Variants in HEMK2 observed in about 807,000 individuals in gnomAD.
The protein encoded by HEMK2 is methyltransferase HEMK2.
chr21:28,775,633 T>C, the HEMK2 span, among the ~76,000 whole-genome samples: 1 of 152,152 alleles, frequency 6.6e-6, no homozygotes, highest in African/African-American at 2.4e-5. Context: ...TAATGCTTTT[T>C]TTCCCCCAAC....
the HEMK2 span, among the ~76,000 whole-genome samples, chr21:28,798,417 T>C: frequency 1.3e-5 from 2 of 152,190 alleles, no homozygotes; most frequent in African/African-American, 2.4e-5. Context: ...ACCCACCCCA[T>C]AGAGTTTCTG....
the HEMK2 span, among the ~76,000 whole-genome samples, chr21:28,829,782 C>T: frequency 6.6e-6 from 1 of 152,188 alleles, no homozygotes; most frequent in Non-Finnish European, 1.5e-5. Flanking sequence ...AGAACATACA[C>T]TCTGTTTCTA....
chr21:28,707,363 C>T, the HEMK2 span, among the ~76,000 whole-genome samples: 3 of 151,548 alleles, frequency 2.0e-5, no homozygotes, highest in Non-Finnish European at 4.4e-5. Flanking sequence ...TCAAGTGATC[C>T]TCCCACCTCA....
chr21:28,880,101 T>C, the HEMK2 span: 3 of 464,772 alleles, frequency 6.5e-6, no homozygotes. Context: ...TATTTTTATG[T>C]TTTCATTCAG....
the HEMK2 span, among the ~76,000 whole-genome samples, chr21:28,630,926 T>A: frequency 6.6e-6 from 1 of 152,120 alleles, no homozygotes; most frequent in African/African-American, 2.4e-5. Flanking sequence ...ACTTAAAGTA[T>A]AATAATAATA....
At chr21:28,720,892 T>C in the HEMK2 span, among the ~76,000 whole-genome samples, 2 of 152,142 alleles carry the variant, frequency 1.3e-5, no homozygotes, top group Non-Finnish European at 2.9e-5. Context: ...CCAACCCTAT[T>C]GCTATGTATA....
the HEMK2 span, among the ~76,000 whole-genome samples, chr21:28,854,804 G>T: frequency 5.3e-5 from 8 of 152,190 alleles, no homozygotes; most frequent in Non-Finnish European, 1.0e-4. Context: ...GGTTGGGCCT[G>T]CCTTTCTCAG....
At chr21:28,828,201 T>C in the HEMK2 span, among the ~76,000 whole-genome samples, 2 of 152,152 alleles carry the variant, frequency 1.3e-5, no homozygotes, top group Non-Finnish European at 2.9e-5. Flanking sequence ...CTACAGGTGA[T>C]GGAAACAGGA....
At chr21:28,644,357 C>T in the HEMK2 span, among the ~76,000 whole-genome samples, 1 of 152,146 alleles carries the variant, frequency 6.6e-6, no homozygotes, top group African/African-American at 2.4e-5. Flanking sequence ...CCTGGTCTCT[C>T]CCTTGACATA....
the HEMK2 span, among the ~76,000 whole-genome samples, chr21:28,717,905 G>A: frequency 2.7e-4 from 41 of 152,082 alleles, 1 homozygote; most frequent in Middle Eastern, 3.4e-3. Flanking sequence ...TCCTTTGTAT[G>A]GATTTTGGAT....
the HEMK2 span, among the ~76,000 whole-genome samples, chr21:28,672,990 G>A: frequency 7.9e-6 from 1 of 126,390 alleles, no homozygotes. Flanking sequence ...AAGAGAGAAA[G>A]AAAAAGAAAG....
At chr21:28,668,594 C>G in the HEMK2 span, among the ~76,000 whole-genome samples, 43 of 152,264 alleles carry the variant, frequency 2.8e-4, no homozygotes, top group African/African-American at 9.9e-4. Flanking sequence ...ATCACATGAC[C>G]AGGTCCAATA....
the HEMK2 span, among the ~76,000 whole-genome samples, chr21:28,664,499 C>T: frequency 6.6e-6 from 1 of 152,126 alleles, no homozygotes; most frequent in Admixed American, 6.5e-5. Context: ...TAGCACTTTA[C>T]TTACACTACC....
the HEMK2 span, among the ~76,000 whole-genome samples, chr21:28,698,679 A>G: frequency 6.6e-6 from 1 of 152,310 alleles, no homozygotes; most frequent in Admixed American, 6.5e-5. Flanking sequence ...AAGAAAAACT[A>G]ATTTTTTCTA....
chr21:28,796,568 G>T, the HEMK2 span, among the ~76,000 whole-genome samples: 1 of 152,088 alleles, frequency 6.6e-6, no homozygotes, highest in Non-Finnish European at 1.5e-5. Context: ...ACTATTGACG[G>T]ATGAGTAAGA....
At chr21:28,581,014 T>C in the HEMK2 span, among the ~76,000 whole-genome samples, 1 of 152,170 alleles carries the variant, frequency 6.6e-6, no homozygotes, top group African/African-American at 2.4e-5. Flanking sequence ...GCCTTTGTTC[T>C]GGTACCCACG....
At chr21:28,764,681 C>G in the HEMK2 span, among the ~76,000 whole-genome samples, 1 of 152,074 alleles carries the variant, frequency 6.6e-6, no homozygotes, top group Non-Finnish European at 1.5e-5. Context: ...CTCACAGATG[C>G]AAGTTGATAA....
the HEMK2 span, among the ~76,000 whole-genome samples, chr21:28,840,213 CT>C: frequency 1.3e-5 from 2 of 152,164 alleles, no homozygotes; most frequent in Non-Finnish European, 2.9e-5. Context: ...GCAAAATCAA[CT>C]TAAGTTGGAT....
chr21:28,804,554 G>A, the HEMK2 span, among the ~76,000 whole-genome samples: 1 of 151,984 alleles, frequency 6.6e-6, no homozygotes, highest in Admixed American at 6.6e-5. Context: ...GGGCAACATA[G>A]GGAGACCCCA....
Sources: allele counts gnomAD v4.1 joint callset (sites outside exome capture counted in the v4.1 genomes callset), GRCh38; gene constraint gnomAD v4.1.1; transcripts MANE v1.5; gene names NCBI Gene and HGNC (gene_info 2026-07-23, HGNC 2026-07-21).